The following BFSP2 variants were observed in gnomAD, a reference collection of about 807,000 sequenced individuals.
BFSP2 encodes the protein phakinin.
In BFSP2, 38 loss-of-function variants were observed where a neutral mutation model predicts 44.9. That is an observed-to-expected ratio of 0.85 (90% CI 0.65 to 1.11). The LOEUF is 1.11. BFSP2 is among the 50% of genes least tolerant of loss of function. BFSP2 has a pLI of 0.00. For missense variants in BFSP2, 525 were observed against 533.0 expected, an observed-to-expected ratio of 0.99 and a Z score of 0.15; for synonymous variants, 197 against 209.9, an observed-to-expected ratio of 0.94 and a Z score of 0.53.
intron 4 of BFSP2, among the ~76,000 whole-genome samples, chr3:133,466,021 G>T (rs1261095693): frequency 2.0e-5 from 3 of 152,158 alleles, no homozygotes; most frequent in Non-Finnish European, 4.4e-5. Flanking sequence ...CCGCTATAAA[G>T]AATGTACTCA....
intron 1 of BFSP2, 93 bp from the exon 2 acceptor site, chr3:133,447,224 C>T (rs2107922891): frequency 7.5e-7 from 1 of 1,335,818 alleles, no homozygotes; most frequent in Non-Finnish European, 1.1e-6. Context: ...TCTGAGGTCC[C>T]CCAGAGCCTC....
chr3:133,420,851 C>A (rs934623495), intron 1 of BFSP2, among the ~76,000 whole-genome samples: 1 of 152,220 alleles, frequency 6.6e-6, no homozygotes, highest in Non-Finnish European at 1.5e-5. Flanking sequence ...ACACTCCTAC[C>A]TGTCTCACCC....
At chr3:133,441,255 C>G (rs1481616676) in intron 1 of BFSP2, among the ~76,000 whole-genome samples, 1 of 151,990 alleles carries the variant, frequency 6.6e-6, no homozygotes. Context: ...AGGCTGGTCT[C>G]GAACTCCTGA....
At chr3:133,413,544 G>A (rs2073476589) in intron 1 of BFSP2, among the ~76,000 whole-genome samples, 1 of 152,064 alleles carries the variant, frequency 6.6e-6, no homozygotes, top group African/African-American at 2.4e-5. Context: ...GGTCCCCAGC[G>A]CTCTCCCAGA....
intron 1 of BFSP2, among the ~76,000 whole-genome samples, chr3:133,436,658 A>G (rs1489110650): frequency 1.3e-5 from 2 of 152,174 alleles, no homozygotes; most frequent in Non-Finnish European, 1.5e-5. Context: ...CACAACGTGC[A>G]GGTTTGTTAC....
chr3:133,454,174 G>A (rs2073992032), intron 4 of BFSP2, among the ~76,000 whole-genome samples: 1 of 152,012 alleles, frequency 6.6e-6, no homozygotes, highest in Non-Finnish European at 1.5e-5. Context: ...TTTTTTTTAA[G>A]TTGGGCACTG....
intron 6 of BFSP2, among the ~76,000 whole-genome samples, chr3:133,473,541 G>A (rs1203965748): frequency 6.6e-6 from 1 of 150,726 alleles, no homozygotes; most frequent in Non-Finnish European, 1.5e-5. Flanking sequence ...CAATAGTGGA[G>A]GGAAGGTCAG....
At chr3:133,446,670 C>CTTGGGTTGAAGGGAGGACA (rs1204780435) in intron 1 of BFSP2, among the ~76,000 whole-genome samples, 1 of 126,894 alleles carries the variant, frequency 7.9e-6, no homozygotes, top group Non-Finnish European at 1.6e-5. Context: ...AGGGAGGACA[C>CTTGGGTTGAAGGGAGGACA]CCCTCATTCC....
intron 5 of BFSP2, among the ~76,000 whole-genome samples, chr3:133,467,892 G>C (rs150750166): frequency 4.1e-4 from 62 of 152,206 alleles, no homozygotes; most frequent in African/African-American, 1.5e-3. Flanking sequence ...AGGATCTGAG[G>C]ATCTGAGGGG....
intron 1 of BFSP2, among the ~76,000 whole-genome samples, chr3:133,438,887 C>T (rs187259815): frequency 6.6e-6 from 1 of 152,118 alleles, no homozygotes; most frequent in Admixed American, 6.6e-5. Context: ...CTCTTTCTAC[C>T]TTTATATATA....
At chr3:133,444,300 C>T (rs978369539) in intron 1 of BFSP2, among the ~76,000 whole-genome samples, 2 of 152,098 alleles carry the variant, frequency 1.3e-5, no homozygotes, top group African/African-American at 4.8e-5. Flanking sequence ...GCAATATTTA[C>T]TCTGTGCCAG....
intron 1 of BFSP2, among the ~76,000 whole-genome samples, chr3:133,446,430 A>G (rs2073897572): frequency 6.6e-6 from 1 of 151,072 alleles, no homozygotes; most frequent in African/African-American, 2.4e-5. Context: ...CAAAGAAAAA[A>G]CAAAAAAAGT....
At chr3:133,451,759 A>C (rs2073967676) in intron 4 of BFSP2, among the ~76,000 whole-genome samples, 2 of 152,246 alleles carry the variant, frequency 1.3e-5, no homozygotes, top group African/African-American at 4.8e-5. Flanking sequence ...GTTTTTGTTA[A>C]ATAGTATACA....
chr3:133,472,551 CAGG>C lies in BFSP2; in HGVS notation c.1231_1233del (p.Arg411del), dbSNP rs1660907905. 6.2e-7 allele frequency: 1 copy of C among 1,611,946 alleles called. No homozygotes were observed. Among genetic ancestry groups the C allele is most frequent in the Non-Finnish European group, 8.5e-7 (1 of 1,179,888 alleles). ...TGGCGTCCTACCACGCCCTGCTGGACAGGGAGGAGAGCGGGTAAGCCTCGCTTC... is the reference window on the plus strand; with the variant it reads ...TGGCGTCCTACCACGCCCTGCTGGACGAGGAGAGCGGGTAAGCCTCGCTTC... On this transcript the variant is annotated inframe_deletion, in exon 6 of 7. Transcript: ENST00000302334.
At chr3:133,406,681 G>C (rs1381179059) in intron 1 of BFSP2, among the ~76,000 whole-genome samples, 1 of 152,012 alleles carries the variant, frequency 6.6e-6, no homozygotes, top group Non-Finnish European at 1.5e-5. Context: ...TCTCTAAGAA[G>C]GAAACACTAG....
intron 1 of BFSP2, among the ~76,000 whole-genome samples, chr3:133,443,987 G>T (rs182058292): frequency 6.6e-6 from 1 of 151,814 alleles, no homozygotes; most frequent in Non-Finnish European, 1.5e-5. Context: ...AACTACATCC[G>T]CAGTGAAAAC....
Position 133,475,032 on chromosome 3 carries a change from G to T in BFSP2, c.*60G>T. The stretch of plus-strand genomic sequence containing the variant: ...CCTTCCTCAACAGCTGACCCAAGAA[G>T]TTGCTTGAGGAGCTTTCTCCTGAGC... On this transcript the variant is annotated 3_prime_UTR_variant, in exon 7 of 7. Transcript: ENST00000302334. 1.9e-6 allele frequency: 3 copies of T among 1,603,862 alleles called. No homozygotes were observed. The highest frequency in any genetic ancestry group is 1.3e-5 in the African/African-American group (1 of 74,802).
At chr3:133,409,493 GACAATGA>G (rs2073430972) in intron 1 of BFSP2, among the ~76,000 whole-genome samples, 1 of 152,096 alleles carries the variant, frequency 6.6e-6, no homozygotes, top group Non-Finnish European at 1.5e-5. Context: ...CCAACTTAGC[GACAATGA>G]ACATTTTTAG....
At chr3:133,472,282 A>T in intron 5 of BFSP2, 63 bp from the exon 6 acceptor site, 4 of 1,530,694 alleles carry the variant, frequency 2.6e-6, no homozygotes, top group Non-Finnish European at 3.5e-6. Context: ...TGCTCTGCAC[A>T]CCTCCCTCTT....
Sources: gnomAD v4.1 joint callset for allele counts (sites outside exome capture counted in the v4.1 genomes callset) on GRCh38, gnomAD v4.1.1 for gene constraint, MANE v1.5 for transcripts, NCBI Gene and HGNC (gene_info 2026-07-23, HGNC 2026-07-21) for gene names.